CEP70: variants seen among roughly 807,000 people sequenced by gnomAD.
The protein encoded by CEP70 is centrosomal protein 70, also known as centrosomal protein of 70 kDa.
CEP70 carries 70 observed loss-of-function variants against 90.9 expected under a neutral mutation model. That is an observed-to-expected ratio of 0.77 (90% confidence interval 0.64 to 0.94). CEP70 has a LOEUF of 0.94. CEP70 is among the 40% of genes least tolerant of loss of function. The pLI, the probability that CEP70 is intolerant of heterozygous loss-of-function variation, is 0.00. For missense variants in CEP70, 648 were observed against 669.0 expected (o/e 0.97, Z 0.35); for synonymous variants, 220 against 228.3 (o/e 0.96, Z 0.33).
At chr3:138,530,835 T>C (rs1193008160) in intron 8 of CEP70, 1 of 984,984 alleles carries the variant, frequency 1.0e-6, no homozygotes, top group African/African-American at 1.7e-5. Flanking sequence ...AAATCTATCC[T>C]GAAATTGCCA....
intron 6 of CEP70, among the ~76,000 whole-genome samples, chr3:138,555,868 G>A (rs1017025804): frequency 1.3e-5 from 2 of 152,168 alleles, no homozygotes; most frequent in African/African-American, 2.4e-5. Flanking sequence ...ATTCATTAAA[G>A]AACTAAAAGT....
intron 11 of CEP70, among the ~76,000 whole-genome samples, chr3:138,520,338 A>G (rs1161167136): frequency 6.6e-6 from 1 of 152,200 alleles, no homozygotes; most frequent in Non-Finnish European, 1.5e-5. Flanking sequence ...CGGACCTAAT[A>G]GACATCTACA....
chr3:138,497,784 T>C (rs1226901898), intron 17 of CEP70: 2 of 985,086 alleles, frequency 2.0e-6, no homozygotes, highest in African/African-American at 1.7e-5. Flanking sequence ...ATGGACAGAA[T>C]GATGCCATCT....
chr3:138,517,606 T>C (rs906014309), intron 11 of CEP70, among the ~76,000 whole-genome samples: 1 of 152,166 alleles, frequency 6.6e-6, no homozygotes, highest in Non-Finnish European at 1.5e-5. Context: ...GAGGCAGAGC[T>C]TGCAGTGAGC....
Position 138,571,369 on chromosome 3 carries a change from A to C in CEP70, c.70-13T>G. 1 of 1,519,162 alleles carries C rather than the reference A, an allele frequency of 6.6e-7. No homozygotes were observed. Among genetic ancestry groups the C allele is most frequent in the East Asian group, 2.3e-5 (1 of 44,260 alleles). 94.1% of individuals were successfully genotyped at this position (1,519,162 alleles called of 1,614,324 possible). A position where few individuals can be genotyped will look rare whatever the true frequency, so the allele number is the denominator to read the frequency against. Reference sequence around the variant, plus strand: ...CTGCTTCTTCCTGCTACAATTACAGAAAGAGAAGAAAGGGTTAACTTTAGA... The same window carrying C: ...CTGCTTCTTCCTGCTACAATTACAGCAAGAGAAGAAAGGGTTAACTTTAGA... On this transcript the variant is annotated splice_polypyrimidine_tract_variant and intron_variant, in intron 3 of 17. Coordinates refer to ENST00000264982, the MANE Select transcript of CEP70 (RefSeq NM_024491.4).
chr3:138,498,576 C>T (rs112098375), intron 16 of CEP70, among the ~76,000 whole-genome samples: 68 of 151,766 alleles, frequency 4.5e-4, no homozygotes, highest in African/African-American at 1.6e-3. Context: ...CCTCGTGATC[C>T]GCCCACCTCG....
chr3:138,584,873 T>C lies in CEP70; in HGVS notation c.-6+6981A>G, dbSNP rs567842019. Among the ~76,000 whole-genome samples, 8 of 152,170 alleles carry C rather than the reference T, an allele frequency of 5.3e-5. No individual in the cohort carries two copies. The South Asian group carries it at 1.7e-3, about 32-fold the overall frequency. ...TGAATCGGGAAAAACTGAAAGCCTT[T>C]CCTCTAAGATCTAGAACAGAACAAG... On this transcript the variant is annotated intron_variant, in intron 2 of 17. Coordinates refer to ENST00000264982, the MANE Select transcript of CEP70 (RefSeq NM_024491.4).
At position 138,537,247 on chromosome 3, in the gene CEP70, C is replaced by A; in HGVS notation, c.566G>T (p.Arg189Leu). Residue 189 changes from arginine to leucine, a missense_variant, in exon 7 of 18, where the codon CGC becomes CTC. Coordinates refer to ENST00000264982, the MANE Select transcript of CEP70 (RefSeq NM_024491.4). ...VCRLKKEEED[R>L]IVTQNRVFAY... ...AAACACTCTGTTTTGAGTGACAATG[C>A]GATCTTCTTCCTCCTTTTTTAATCT... 6 of 1,607,146 alleles carry A rather than the reference C, an allele frequency of 3.7e-6. No homozygotes were observed. The highest frequency in any genetic ancestry group is 5.1e-6 in the Non-Finnish European group (6 of 1,177,092).
chr3:138,557,657 A>C (rs1334943879), intron 6 of CEP70, among the ~76,000 whole-genome samples: 1 of 152,182 alleles, frequency 6.6e-6, no homozygotes, highest in Non-Finnish European at 1.5e-5. Flanking sequence ...GGGGACTCAG[A>C]GGGAAAGGGT....
At chr3:138,592,378 C>T (rs922311125) in intron 1 of CEP70, among the ~76,000 whole-genome samples, 9 of 152,226 alleles carry the variant, frequency 5.9e-5, no homozygotes, top group African/African-American at 2.2e-4. Flanking sequence ...GAGGACCATT[C>T]TGTGAAATAA....
intron 6 of CEP70, among the ~76,000 whole-genome samples, chr3:138,540,497 A>G (rs1247021307): frequency 2.2e-5 from 3 of 138,778 alleles, no homozygotes; most frequent in Non-Finnish European, 4.7e-5. Flanking sequence ...AAAAAAAAAA[A>G]AGCTCAATAT....
intron 8 of CEP70, among the ~76,000 whole-genome samples, chr3:138,532,303 ATAAT>A (rs1410709880): frequency 6.6e-6 from 1 of 152,246 alleles, no homozygotes; most frequent in East Asian, 1.9e-4. Flanking sequence ...TACTTTGGTG[ATAAT>A]TAAGTATACA....
intron 6 of CEP70, among the ~76,000 whole-genome samples, chr3:138,566,846 C>T (rs555059554): frequency 4.4e-4 from 66 of 151,634 alleles, no homozygotes; most frequent in African/African-American, 1.5e-3. Context: ...GTATACTTAC[C>T]ATATGACTCA....
intron 12 of CEP70, among the ~76,000 whole-genome samples, chr3:138,506,731 A>C (rs918175022): frequency 6.6e-5 from 10 of 152,112 alleles, no homozygotes; most frequent in African/African-American, 2.4e-4. Context: ...CTTCAAATTG[A>C]TGTATGTATA....
At chr3:138,535,804 T>A (rs1281806438) in intron 7 of CEP70, among the ~76,000 whole-genome samples, 1 of 151,582 alleles carries the variant, frequency 6.6e-6, no homozygotes, top group African/African-American at 2.4e-5. Flanking sequence ...TCTCTTCTTC[T>A]TCCCACTGTA....
intron 1 of CEP70, among the ~76,000 whole-genome samples, chr3:138,593,532 T>C (rs1270374758): frequency 1.3e-5 from 2 of 152,178 alleles, no homozygotes; most frequent in African/African-American, 4.8e-5. Flanking sequence ...CTGTTTAATA[T>C]CATTGATTGA....
chr3:138,529,165 A>G (rs754155838), intron 10 of CEP70, 34 bp downstream of exon 10: 4 of 1,225,624 alleles, frequency 3.3e-6, no homozygotes, highest in Non-Finnish European at 4.6e-6. Context: ...ACCCTGTCTC[A>G]GGAAAAAAAA....
chr3:138,500,210 A>C lies in CEP70; in HGVS notation c.1552T>G (p.Leu518Val). The stretch of plus-strand genomic sequence containing the variant: ...CCAACAGTGCTTACTAGCACACACA[A>C]TGAGGATGAACTATCTGCAAAAGAG... ...ELLELDSSSS[L>V]CVLVSTVGKL... The change falls in exon 16 of 18, where the codon TTG becomes GTG. Residue 518 changes from leucine (L) to valine (V), a missense_variant. Coordinates refer to ENST00000264982, the MANE Select transcript of CEP70 (RefSeq NM_024491.4). The C allele has an allele frequency of 1.2e-6, 2 of 1,609,812 alleles. No individual in the cohort carries two copies. Among genetic ancestry groups the C allele is most frequent in the African/African-American group, 1.3e-5 (1 of 74,958 alleles).
chr3:138,496,326 C>T, intron 17 of CEP70: 1 of 985,420 alleles, frequency 1.0e-6, no homozygotes, highest in Non-Finnish European at 1.2e-6. Context: ...TTCTTTTAAG[C>T]TCCCGACTTC....
Sources: allele counts gnomAD v4.1 joint callset (sites outside exome capture counted in the v4.1 genomes callset), GRCh38; gene constraint gnomAD v4.1.1; transcripts MANE v1.5; gene names NCBI Gene and HGNC (gene_info 2026-07-23, HGNC 2026-07-21).